Variants in NUP93 observed in about 807,000 individuals in gnomAD.
The protein encoded by NUP93 is nucleoporin 93.
NUP93 carries 55 observed loss-of-function variants against 107.8 expected under a neutral mutation model. The ratio of observed to expected loss-of-function variants is 0.51; its 90% CI spans 0.41 to 0.64. The LOEUF is 0.64. Among genes scored for constraint, NUP93 ranks in the 30% least tolerant of loss-of-function variants. NUP93 has a pLI of 0.00. For missense variants in NUP93, 937 were observed against 1,044.7 expected (o/e 0.90, Z 1.42); for synonymous variants, 390 against 397.5 (o/e 0.98, Z 0.22).
At chr16:56,771,586 C>T (rs1567382356) in intron 3 of NUP93, among the ~76,000 whole-genome samples, 1 of 152,184 alleles carries the variant, frequency 6.6e-6, no homozygotes, top group East Asian at 1.9e-4. Context: ...TTTATTCCCT[C>T]CAGCACGAAA....
chr16:56,763,495 T>TGTGG (rs1178147820), intron 3 of NUP93, among the ~76,000 whole-genome samples: 2 of 149,742 alleles, frequency 1.3e-5, no homozygotes, highest in Non-Finnish European at 3.0e-5. Flanking sequence ...TGTGTGTGTG[T>TGTGG]GTGGGTGGGT....
chr16:56,790,317 A>G (rs990465619), intron 3 of NUP93, among the ~76,000 whole-genome samples: 1 of 152,196 alleles, frequency 6.6e-6, no homozygotes, highest in Non-Finnish European at 1.5e-5. Context: ...ATAAACCCTT[A>G]TGGAAGTTCA....
chr16:56,796,587 C>T (rs1403091855), intron 3 of NUP93, among the ~76,000 whole-genome samples: 1 of 152,216 alleles, frequency 6.6e-6, no homozygotes, highest in African/African-American at 2.4e-5. Flanking sequence ...CAGTACGTTT[C>T]CAATGCAAGA....
chr16:56,795,730 T>C (rs1003075957), intron 3 of NUP93, among the ~76,000 whole-genome samples: 5 of 152,102 alleles, frequency 3.3e-5, no homozygotes, highest in Admixed American at 3.3e-4. Context: ...CACTGCAACC[T>C]CTGCCTCCCT....
intron 5 of NUP93, among the ~76,000 whole-genome samples, chr16:56,815,611 A>G (rs1963404257): frequency 6.6e-6 from 1 of 152,180 alleles, no homozygotes; most frequent in African/African-American, 2.4e-5. Flanking sequence ...TTGTTTATAA[A>G]GTGATAACAG....
rs1335923725 is a variant in NUP93, at chr16:56,849,292, G to C, written c.*4683G>C. The C allele has an allele frequency of 6.6e-6, 1 of 152,220 alleles. No homozygotes were observed. Among genetic ancestry groups the C allele is most frequent in the Admixed American group, 6.5e-5 (1 of 15,288 alleles). 9.4% of individuals were successfully genotyped at this position (152,220 alleles called of 1,614,324 possible). ...AGCAGCAGGGAAACATTGAGAAGGG[G>C]GTGGAAATTTGATGTACTGTGAATA... On this transcript the variant is annotated 3_prime_UTR_variant, in exon 22 of 22. Coordinates refer to ENST00000308159, the MANE Select transcript of NUP93 (RefSeq NM_014669.5).
intron 2 of NUP93, among the ~76,000 whole-genome samples, chr16:56,756,557 G>T (rs1011080478): frequency 4.6e-5 from 7 of 152,010 alleles, no homozygotes; most frequent in African/African-American, 1.7e-4. Flanking sequence ...TGGGCATTTG[G>T]GTTGGTTCCA....
intron 3 of NUP93, among the ~76,000 whole-genome samples, chr16:56,778,612 A>G (rs1962457751): frequency 1.3e-5 from 2 of 152,302 alleles, no homozygotes; most frequent in South Asian, 4.1e-4. Context: ...AACATCTGCC[A>G]CATGTGGTGC....
At chr16:56,802,116 C>T (rs1963033526) in intron 4 of NUP93, among the ~76,000 whole-genome samples, 1 of 152,178 alleles carries the variant, frequency 6.6e-6, no homozygotes, top group Admixed American at 6.5e-5. Context: ...ATCAACCTCC[C>T]CCTGCCTCCT....
intron 5 of NUP93, among the ~76,000 whole-genome samples, chr16:56,808,490 G>GTAACTATAAAATATATAGTTATA (rs1567398769): frequency 0.085 from 8,396 of 99,256 alleles, 1,556 homozygotes; most frequent in Non-Finnish European, 0.1. Flanking sequence ...ATATAGTTAT[G>GTAACTATAAAATATATAGTTATA]TAACTATATA....
chr16:56,801,212 T>C (rs1261248795), intron 4 of NUP93, among the ~76,000 whole-genome samples: 3 of 152,188 alleles, frequency 2.0e-5, no homozygotes, highest in African/African-American at 7.2e-5. Flanking sequence ...TGATTCCCTC[T>C]CATTAGTTCC....
intron 8 of NUP93, among the ~76,000 whole-genome samples, chr16:56,827,778 G>A (rs1466776906): frequency 6.6e-6 from 1 of 152,348 alleles, no homozygotes; most frequent in African/African-American, 2.4e-5. Context: ...GGAGATTGAG[G>A]GGGGAAGATT....
chr16:56,839,154 A>T, intron 19 of NUP93, 85 bp downstream of exon 19: 2 of 933,510 alleles, frequency 2.1e-6, no homozygotes, highest in Non-Finnish European at 3.4e-6. Flanking sequence ...ACTTAAAACA[A>T]AGGAGCTGTT....
Position 56,837,647 on chromosome 16 carries a change from AGCCCTGTCGTCCCCCAGATCAGT to A in NUP93, c.1944_1966del (p.Val649AlafsTer19). The A allele has an allele frequency of 6.2e-7, 1 of 1,614,190 alleles. No homozygotes were observed. Among genetic ancestry groups the A allele is most frequent in the Non-Finnish European group, 8.5e-7 (1 of 1,180,006 alleles). On this transcript the variant is annotated frameshift_variant, in exon 18 of 22. Transcript: ENST00000308159. LOFTEE classifies it high-confidence loss of function. ...ACTGGAGCTGATGAACAAACTGCTGAGCCCTGTCGTCCCCCAGATCAGTGCCCCGCAATCCAACAAGGAGAGGC... is the reference window on the plus strand; with the variant it reads ...ACTGGAGCTGATGAACAAACTGCTGAGCCCCGCAATCCAACAAGGAGAGGC...
chr16:56,787,030 C>T (rs1414637555), intron 3 of NUP93, among the ~76,000 whole-genome samples: 2 of 152,212 alleles, frequency 1.3e-5, no homozygotes, highest in Non-Finnish European at 1.5e-5. Context: ...TATTCCTCAG[C>T]TCTGACAGGG....
intron 21 of NUP93, among the ~76,000 whole-genome samples, chr16:56,843,711 T>A (rs1964069609): frequency 6.6e-6 from 1 of 152,230 alleles, no homozygotes; most frequent in Admixed American, 6.5e-5. Context: ...GGACATACAC[T>A]CGCTAGTTTG....
intron 2 of NUP93, among the ~76,000 whole-genome samples, chr16:56,748,749 A>G (rs568913691): frequency 1.3e-5 from 2 of 152,202 alleles, no homozygotes; most frequent in South Asian, 2.1e-4. Context: ...TTGGGTCATA[A>G]ATGGCTCCCG....
chr16:56,834,917 G>T, intron 16 of NUP93, 139 bp downstream of exon 16: 1 of 636,730 alleles, frequency 1.6e-6, no homozygotes, highest in Admixed American at 3.1e-5. Flanking sequence ...AAAATGGAAT[G>T]AAAATTATGG....
chr16:56,841,947 G>A (rs570904076), intron 21 of NUP93, 114 bp downstream of exon 21: 37 of 1,278,712 alleles, frequency 2.9e-5, no homozygotes, highest in Non-Finnish European at 3.7e-5. Flanking sequence ...CTCAGTACCT[G>A]GCAGCTGGAT....
Sources: gnomAD v4.1 joint callset for allele counts (sites outside exome capture counted in the v4.1 genomes callset) on GRCh38, gnomAD v4.1.1 for gene constraint, MANE v1.5 for transcripts, NCBI Gene and HGNC (gene_info 2026-07-23, HGNC 2026-07-21) for gene names.